The following GRK5 variants were observed in gnomAD, a reference collection of about 807,000 sequenced individuals.
GRK5 encodes g protein-coupled receptor kinase GRK5.
In GRK5, 40 loss-of-function variants were observed where a neutral mutation model predicts 78.4. That is an observed-to-expected ratio of 0.51 (90% CI 0.40 to 0.66). The LOEUF is 0.66. Among genes scored for constraint, GRK5 ranks in the 30% least tolerant of loss-of-function variants. The pLI, the probability that GRK5 is intolerant of heterozygous loss-of-function variation, is 0.00. For synonymous variants in GRK5, 289 were observed against 296.8 expected, an observed-to-expected ratio of 0.97 and a Z score of 0.27; for missense variants, 598 against 759.9, an observed-to-expected ratio of 0.79 and a Z score of 2.50.
chr10:119,318,442 C>A (rs888563498), intron 1 of GRK5, among the ~76,000 whole-genome samples: 1 of 152,158 alleles, frequency 6.6e-6, no homozygotes, highest in African/African-American at 2.4e-5. Flanking sequence ...TCTATCCCAT[C>A]CCTCCCAAGG....
At chr10:119,434,055 A>G (rs1350984192) in intron 8 of GRK5, among the ~76,000 whole-genome samples, 1 of 152,226 alleles carries the variant, frequency 6.6e-6, no homozygotes, top group East Asian at 1.9e-4. Flanking sequence ...TTCCCCTTAT[A>G]AAACCATCAG....
intron 1 of GRK5, among the ~76,000 whole-genome samples, chr10:119,308,986 C>T (rs1406750577): frequency 6.6e-6 from 1 of 152,210 alleles, no homozygotes; most frequent in East Asian, 1.9e-4. Flanking sequence ...CTGGGAGCTC[C>T]CTCCAGTGAG....
intron 3 of GRK5, among the ~76,000 whole-genome samples, chr10:119,382,124 C>T (rs1041096083): frequency 1.3e-5 from 2 of 152,158 alleles, no homozygotes; most frequent in Non-Finnish European, 2.9e-5. Context: ...TCGTCCTTCC[C>T]CAACCTGATC....
intron 3 of GRK5, among the ~76,000 whole-genome samples, chr10:119,382,491 C>T (rs764840207): frequency 2.6e-5 from 4 of 152,198 alleles, no homozygotes; most frequent in Non-Finnish European, 5.9e-5. Flanking sequence ...AGGCACCCTT[C>T]ACCCCACCTT....
intron 1 of GRK5, among the ~76,000 whole-genome samples, chr10:119,246,856 C>T (rs1489898762): frequency 6.6e-6 from 1 of 152,192 alleles, no homozygotes; most frequent in East Asian, 1.9e-4. Flanking sequence ...ATGGGAATGT[C>T]ACCTGAGAAG....
At position 119,451,428 on chromosome 10, in the gene GRK5, C is replaced by T. The variant is rs377092532; in HGVS notation, c.1405-1243C>T. Among the ~76,000 whole-genome samples, 4 of 152,176 alleles carry T rather than the reference C, an allele frequency of 2.6e-5. No homozygotes were observed. The East Asian group carries it at 7.8e-4, about 30-fold the overall frequency. ...CCAGCTTCGTGAGCTTGACCTGGCA[C>T]CCCCTAGGGCACCCTGGGTCCCCAC... On this transcript the variant is annotated intron_variant, in intron 13 of 15. Coordinates refer to ENST00000392870, the MANE Select transcript of GRK5 (RefSeq NM_005308.3).
At chr10:119,394,313 C>CGTGT (rs1308713917) in intron 3 of GRK5, among the ~76,000 whole-genome samples, 1 of 4,274 alleles carries the variant, frequency 2.3e-4, no homozygotes, top group African/African-American at 1.0e-3. Flanking sequence ...TGTGTGGGCA[C>CGTGT]GTGGGTGTGT....
At chr10:119,257,216 C>T (rs1251344342) in intron 1 of GRK5, among the ~76,000 whole-genome samples, 1 of 152,168 alleles carries the variant, frequency 6.6e-6, no homozygotes, top group Non-Finnish European at 1.5e-5. Context: ...TTTTTAATTT[C>T]TCTAATGGAA....
chr10:119,378,084 A>C lies in GRK5; in HGVS notation c.149-2731A>C, dbSNP rs1453521208. The C allele has an allele frequency of 6.5e-6, 1 of 154,344 alleles. No homozygotes were observed. The highest frequency in any genetic ancestry group is 1.5e-5 in the Non-Finnish European group (1 of 68,232). 9.6% of individuals were successfully genotyped at this position (154,344 alleles called of 1,614,324 possible). ...CCTACTGTGGCTGATGATCACACTC[A>C]TCTAGCTTGACATTTTATTACTGTC... On this transcript the variant is annotated intron_variant, in intron 2 of 15. Coordinates refer to ENST00000392870, the MANE Select transcript of GRK5 (RefSeq NM_005308.3). This position sits in a 1 kb window ranked among gnomAD's most constrained non-coding sequence, Gnocchi z 4.5.
chr10:119,449,555 C>G lies in GRK5; in HGVS notation c.1404+1295C>G, dbSNP rs532971421. ...GTGGCTCATGCCTATAATCCCAGCA[C>G]TTGGGAAGGCTGAGGCAGTCGGGTT... On this transcript the variant is annotated intron_variant, in intron 13 of 15. Transcript: ENST00000392870. 3.9e-5 allele frequency among the ~76,000 whole-genome samples: 6 copies of G among 152,240 alleles called. No individual in the cohort carries two copies. In the East Asian group the frequency reaches 1.2e-3, roughly 29 times the overall value.
intron 1 of GRK5, among the ~76,000 whole-genome samples, chr10:119,247,653 T>C (rs1849134036): frequency 6.6e-6 from 1 of 152,214 alleles, no homozygotes; most frequent in Non-Finnish European, 1.5e-5. Context: ...CTTTGTTTGT[T>C]TGTTTGTTTT....
chr10:119,247,157 A>G (rs1446341665), intron 1 of GRK5, among the ~76,000 whole-genome samples: 1 of 152,250 alleles, frequency 6.6e-6, no homozygotes, highest in Non-Finnish European at 1.5e-5. Context: ...TACCCAGGCC[A>G]GCGGAGGGCG....
chr10:119,450,630 G>T (rs947710353), intron 13 of GRK5, among the ~76,000 whole-genome samples: 3 of 152,160 alleles, frequency 2.0e-5, no homozygotes, highest in Admixed American at 6.5e-5. Context: ...GGACTGTCCT[G>T]CTTTTAGCAC....
intron 1 of GRK5, among the ~76,000 whole-genome samples, chr10:119,246,721 G>A (rs570907910): frequency 6.6e-6 from 1 of 152,272 alleles, no homozygotes; most frequent in East Asian, 1.9e-4. Context: ...ATTATGTCAC[G>A]AATTTGGGAT....
In GRK5 at chr10:119,292,025, CCTT is replaced by C. The variant is rs1475108890; in HGVS notation, c.53-34485_53-34483del. 1.1e-3 allele frequency among the ~76,000 whole-genome samples: 125 copies of C among 117,578 alleles called. 2 individuals carry two copies. The highest frequency in any genetic ancestry group is 2.0e-3 in the African/African-American group (61 of 30,108). The allele number at this position is 117,578 out of a possible 152,430, so 77.1% of individuals were successfully genotyped here. A position where few individuals can be genotyped will look rare whatever the true frequency, so the allele number is the denominator to read the frequency against. ...TCTTCCTCCTTCTCCTCCTCTTCCT[CCTT>C]CTTCTCCTCCTCTTCCTCCTTCTCC... On this transcript the variant is annotated intron_variant, in intron 1 of 15. Transcript: ENST00000392870.
chr10:119,224,785 C>T (rs1564854317), intron 1 of GRK5, among the ~76,000 whole-genome samples: 1 of 152,190 alleles, frequency 6.6e-6, no homozygotes, highest in Non-Finnish European at 1.5e-5. Flanking sequence ...AAGATGTTTC[C>T]ATTCCATTGA....
chr10:119,372,771 C>T (rs1851565832), intron 2 of GRK5, among the ~76,000 whole-genome samples: 1 of 152,022 alleles, frequency 6.6e-6, no homozygotes, highest in Non-Finnish European at 1.5e-5. Flanking sequence ...TTAAAGGCTT[C>T]AAATAAAGAA....
chr10:119,333,625 C>G (rs1240164104), intron 2 of GRK5: 1 of 391,030 alleles, frequency 2.6e-6, no homozygotes, highest in East Asian at 7.2e-5. Context: ...AGGGCCCCAG[C>G]CAGTACTCAA....
chr10:119,246,046 G>GA (rs907388666), intron 1 of GRK5, among the ~76,000 whole-genome samples: 1 of 106,690 alleles, frequency 9.4e-6, no homozygotes. Flanking sequence ...AAAAAAAAAA[G>GA]AAAAAAAGAT....
Sources: allele counts gnomAD v4.1 joint callset (sites outside exome capture counted in the v4.1 genomes callset), GRCh38; gene constraint gnomAD v4.1.1; non-coding constraint Gnocchi (gnomAD v3.1); transcripts MANE v1.5; gene names NCBI Gene and HGNC (gene_info 2026-07-23, HGNC 2026-07-21).